ROBO1: variants seen among roughly 807,000 people sequenced by gnomAD.
ROBO1 encodes roundabout homolog 1.
Under a neutral mutation model 195.9 loss-of-function variants are expected in ROBO1, and 149 were observed. The ratio of observed to expected loss-of-function variants is 0.76; its 90% CI spans 0.67 to 0.87. The LOEUF (loss-of-function observed/expected upper bound fraction) is 0.87, where lower values mean the gene tolerates loss of function less well. Ranked by LOEUF, ROBO1 falls within the 40% of genes least tolerant of loss-of-function variation. ROBO1 has a pLI of 0.00. For missense variants in ROBO1, 1,933 were observed against 2,068.3 expected (o/e 0.93, Z 1.27); for synonymous variants, 816 against 733.2 (o/e 1.11, Z -1.82).
chr3:78,920,706 C>T (rs930650555), intron 4 of ROBO1, among the ~76,000 whole-genome samples: 2 of 142,894 alleles, frequency 1.4e-5, no homozygotes, highest in African/African-American at 5.3e-5. Flanking sequence ...ACAAACACAG[C>T]TCACTGCAGC....
intron 3 of ROBO1, among the ~76,000 whole-genome samples, chr3:79,082,901 A>G (rs2079300747): frequency 6.6e-6 from 1 of 152,190 alleles, no homozygotes; most frequent in African/African-American, 2.4e-5. Flanking sequence ...TTAGCTCCCT[A>G]GGAACGAAAC....
chr3:79,013,917 C>T (rs2077852856), intron 3 of ROBO1, among the ~76,000 whole-genome samples: 1 of 152,102 alleles, frequency 6.6e-6, no homozygotes, highest in Non-Finnish European at 1.5e-5. Context: ...CCTTCTTTCA[C>T]TTTACTGGTC....
chr3:79,547,375 A>G (rs540405767), intron 2 of ROBO1, among the ~76,000 whole-genome samples: 1 of 151,964 alleles, frequency 6.6e-6, no homozygotes, highest in Non-Finnish European at 1.5e-5. Flanking sequence ...TATGAACGTG[A>G]GGAGGAAAAT....
intron 2 of ROBO1, among the ~76,000 whole-genome samples, chr3:79,579,431 C>T (rs1943591294): frequency 6.6e-6 from 1 of 152,174 alleles, no homozygotes; most frequent in Non-Finnish European, 1.5e-5. Flanking sequence ...AAGAAAGTGT[C>T]TATTTCCTGA....
chr3:79,088,560 C>T (rs1559649948), intron 3 of ROBO1, among the ~76,000 whole-genome samples: 1 of 152,042 alleles, frequency 6.6e-6, no homozygotes, highest in Admixed American at 6.6e-5. Flanking sequence ...AAGAGAGTAA[C>T]AGGAAAGGTA....
intron 2 of ROBO1, among the ~76,000 whole-genome samples, chr3:79,354,290 T>C (rs1388157044): frequency 6.6e-6 from 1 of 152,174 alleles, no homozygotes; most frequent in Non-Finnish European, 1.5e-5. Flanking sequence ...ACAGAACTTA[T>C]TTTCTTCACT....
At position 79,711,664 on chromosome 3, in the gene ROBO1, A is replaced by C. The variant is rs1017565499; in HGVS notation, c.-51+56088T>G. 2.3e-4 allele frequency among the ~76,000 whole-genome samples: 35 copies of C among 152,074 alleles called. 1 individual carries two copies. Among genetic ancestry groups the C allele is most frequent in the African/African-American group, 7.7e-4 (32 of 41,404 alleles). The stretch of plus-strand genomic sequence containing the variant: ...ACTGTTAAAACACATACACACATAC[A>C]CACACACGCAGGCATGCCTTGTTGT... On this transcript the variant is annotated intron_variant, in intron 1 of 30. Transcript: ENST00000464233.
chr3:79,129,458 T>C (rs1190125254), intron 2 of ROBO1, among the ~76,000 whole-genome samples: 2 of 152,108 alleles, frequency 1.3e-5, no homozygotes, highest in Non-Finnish European at 2.9e-5. Context: ...ACAAACAGTA[T>C]ATAAGTGGAC....
At chr3:78,885,412 T>TAA (rs59912706) in intron 4 of ROBO1, among the ~76,000 whole-genome samples, 2,040 of 53,756 alleles carry the variant, frequency 0.038, 296 homozygotes, top group East Asian at 0.061. Context: ...AATTTAAAAC[T>TAA]AAAAAAAAAA....
intron 2 of ROBO1, among the ~76,000 whole-genome samples, chr3:79,562,116 T>C (rs1203368806): frequency 6.6e-6 from 1 of 152,140 alleles, no homozygotes; most frequent in East Asian, 1.9e-4. Context: ...GGCTATTTTT[T>C]TGTGAGGAAG....
intron 2 of ROBO1, among the ~76,000 whole-genome samples, chr3:79,369,392 T>C (rs897391315): frequency 1.3e-5 from 2 of 152,216 alleles, no homozygotes; most frequent in African/African-American, 2.4e-5. Context: ...CTTTACACAG[T>C]TTGGGAAAAG....
chr3:78,994,909 G>T (rs2077324515), intron 3 of ROBO1, among the ~76,000 whole-genome samples: 1 of 152,090 alleles, frequency 6.6e-6, no homozygotes, highest in East Asian at 1.9e-4. Flanking sequence ...CGCTAGAAGG[G>T]GCAAGAATTC....
chr3:79,524,055 A>G lies in ROBO1; in HGVS notation c.88+65769T>C, dbSNP rs115385995. Among the ~76,000 whole-genome samples the G allele has an allele frequency of 2.1e-3, 321 of 152,212 alleles. 1 individual carries two copies. The highest frequency in any genetic ancestry group is 7.3e-3 in the African/African-American group (304 of 41,542). On this transcript the variant is annotated intron_variant, in intron 2 of 30. Coordinates refer to ENST00000464233, the MANE Select transcript of ROBO1 (RefSeq NM_002941.4). ...TTGCATGAAAAAACATTTTGATGTTATGAAGGAAGATATACCTAAAGACGC... is the reference window on the plus strand; with the variant it reads ...TTGCATGAAAAAACATTTTGATGTTGTGAAGGAAGATATACCTAAAGACGC...
At chr3:78,887,935 CA>C (rs1196720846) in intron 4 of ROBO1, among the ~76,000 whole-genome samples, 1 of 151,922 alleles carries the variant, frequency 6.6e-6, no homozygotes, top group Non-Finnish European at 1.5e-5. Flanking sequence ...TTCACAAGAA[CA>C]CACCCTCAAA....
At chr3:79,409,969 C>A (rs2037700916) in intron 2 of ROBO1, among the ~76,000 whole-genome samples, 1 of 151,948 alleles carries the variant, frequency 6.6e-6, no homozygotes, top group Non-Finnish European at 1.5e-5. Flanking sequence ...CTCTTTGAGA[C>A]TTTTAAAAAT....
chr3:79,715,905 A>C (rs2107262083), intron 1 of ROBO1, among the ~76,000 whole-genome samples: 1 of 152,180 alleles, frequency 6.6e-6, no homozygotes, highest in African/African-American at 2.4e-5. Flanking sequence ...TGGATGTATA[A>C]ATTCCCAATT....
intron 10 of ROBO1, among the ~76,000 whole-genome samples, chr3:78,683,227 C>T (rs780223100): frequency 1.3e-5 from 2 of 151,962 alleles, no homozygotes; most frequent in Non-Finnish European, 2.9e-5. Flanking sequence ...AACTACAAAC[C>T]ATTGCTGAGA....
At chr3:79,279,545 A>G (rs1486245396) in intron 2 of ROBO1, among the ~76,000 whole-genome samples, 4 of 152,164 alleles carry the variant, frequency 2.6e-5, no homozygotes, top group Admixed American at 2.0e-4. Flanking sequence ...CAGCTACTAT[A>G]AAGGTTCCTC....
chr3:79,498,431 C>T (rs1939867144), intron 2 of ROBO1, among the ~76,000 whole-genome samples: 1 of 152,114 alleles, frequency 6.6e-6, no homozygotes, highest in Non-Finnish European at 1.5e-5. Flanking sequence ...ATTACTGTTG[C>T]TTATCTTTTA....
Sources: allele counts gnomAD v4.1 joint callset (sites outside exome capture counted in the v4.1 genomes callset), GRCh38; gene constraint gnomAD v4.1.1; transcripts MANE v1.5; gene names NCBI Gene and HGNC (gene_info 2026-07-23, HGNC 2026-07-21).